Variants in PDZD2 observed in about 807,000 individuals in gnomAD.
PDZD2 encodes the protein PDZ domain-containing protein 2.
In PDZD2, 90 loss-of-function variants were observed where a neutral mutation model predicts 220.7. That is an observed-to-expected ratio of 0.41 (90% CI 0.34 to 0.49). PDZD2 has a LOEUF of 0.49. PDZD2 is among the 20% of genes least tolerant of loss of function. The pLI is 0.28. For missense variants in PDZD2, 3,174 were observed against 3,608.5 expected (o/e 0.88, Z 3.08); for synonymous variants, 1,375 against 1,450.5 (o/e 0.95, Z 1.18).
At chr5:31,983,887 CCA>C (rs779302498) in intron 3 of PDZD2, among the ~76,000 whole-genome samples, 72 of 152,104 alleles carry the variant, frequency 4.7e-4, no homozygotes, top group Non-Finnish European at 9.0e-4. Context: ...CAAAAAAGCT[CCA>C]GTCATTTTAT....
rs1407467199 is a variant in PDZD2 at position 32,088,753 on chromosome 5, G to C, written c.5305G>C (p.Glu1769Gln). ...CAGTGTGGATGTCCCTAAGAATGGA[G>C]AATCTGTTTTGGAAAACCTCCACAT... is the stretch of plus-strand genomic sequence containing the variant. ...SFSVDVPKNG[E>Q]SVLENLHISE... is the part of the protein sequence containing the mutation. The change falls in exon 20 of 25, where the codon GAA becomes CAA. Residue 1769 changes from glutamate to glutamine, a missense_variant. By Grantham distance (29) the Glu-to-Gln change is conservative. Around this residue, in one of 4 missense-constraint regions of PDZD2, gnomAD observed 1,861 missense variants for 2,001.0 expected, o/e 0.93. Coordinates refer to ENST00000438447, the MANE Select transcript of PDZD2 (RefSeq NM_178140.4). This position sits in a 1 kb window ranked among gnomAD's most constrained non-coding sequence, Gnocchi z 4.6. 1.2e-6 allele frequency: 2 copies of C among 1,614,108 alleles called. No individual in the cohort carries two copies. The highest frequency in any genetic ancestry group is 1.7e-6 in the Non-Finnish European group (2 of 1,179,984).
At chr5:31,947,662 C>G (rs1746763739) in intron 2 of PDZD2, among the ~76,000 whole-genome samples, 1 of 152,032 alleles carries the variant, frequency 6.6e-6, no homozygotes, top group Non-Finnish European at 1.5e-5. Flanking sequence ...TTTAAAAATG[C>G]AAAAATTAGC....
chr5:31,686,247 C>A (rs1746854316), intron 1 of PDZD2, among the ~76,000 whole-genome samples: 1 of 151,950 alleles, frequency 6.6e-6, no homozygotes, highest in African/African-American at 2.4e-5. Context: ...GCCATAATAC[C>A]ATTATAATAC....
chr5:31,782,079 G>T (rs1227464523), intron 1 of PDZD2, among the ~76,000 whole-genome samples: 2 of 152,194 alleles, frequency 1.3e-5, no homozygotes, highest in Non-Finnish European at 2.9e-5. Context: ...GAAGTGAAAG[G>T]CCTGTTGAGG....
Position 32,070,011 on chromosome 5 carries a change from G to A in PDZD2, c.2533+361G>A, listed in dbSNP as rs182340416. ...GATGCAGAGTATTATCTACCAAAAAGCCTGAGATTTCTTTACATGAATTAA... is the reference window on the plus strand; with the variant it reads ...GATGCAGAGTATTATCTACCAAAAAACCTGAGATTTCTTTACATGAATTAA... On this transcript the variant is annotated intron_variant, in intron 15 of 24. Transcript: ENST00000438447. Among the ~76,000 whole-genome samples, 61 of 152,246 alleles carry A rather than the reference G, an allele frequency of 4.0e-4. No homozygotes were observed. In the East Asian group the frequency reaches 0.011, roughly 28 times the overall value.
chr5:31,713,026 A>AG (rs1748218635), intron 1 of PDZD2, among the ~76,000 whole-genome samples: 1 of 152,196 alleles, frequency 6.6e-6, no homozygotes, highest in Admixed American at 6.5e-5. Context: ...CCTGGACCAC[A>AG]GTGTTGAGAA....
intron 3 of PDZD2, among the ~76,000 whole-genome samples, chr5:31,987,625 C>T (rs1750819141): frequency 6.6e-6 from 1 of 152,200 alleles, no homozygotes. Flanking sequence ...CAACTGCCTG[C>T]AGGATGTCTC....
intron 2 of PDZD2, among the ~76,000 whole-genome samples, chr5:31,976,138 G>C (rs939969139): frequency 6.6e-6 from 1 of 152,096 alleles, no homozygotes; most frequent in Non-Finnish European, 1.5e-5. Context: ...GTAGGGAGGC[G>C]ATACCTGAGA....
chr5:31,754,780 A>T, intron 1 of PDZD2: 1 of 152,222 alleles, frequency 6.6e-6, no homozygotes, highest in Non-Finnish European at 1.5e-5. Context: ...TCATTTCCAC[A>T]CTGGCTAGAT....
chr5:31,688,126 A>G (rs114743702), intron 1 of PDZD2, among the ~76,000 whole-genome samples: 5,591 of 152,316 alleles, frequency 0.037, 132 homozygotes, highest in Middle Eastern at 0.11. Context: ...TCGCAAATAA[A>G]TTAATATCTC....
chr5:31,955,137 A>T (rs577022579), intron 2 of PDZD2, among the ~76,000 whole-genome samples: 1 of 152,252 alleles, frequency 6.6e-6, no homozygotes, highest in Admixed American at 6.5e-5. Context: ...GTTTCTGAGA[A>T]CTTTCCCTGT....
chr5:32,020,617 G>A (rs1754121986), intron 6 of PDZD2, among the ~76,000 whole-genome samples: 1 of 151,138 alleles, frequency 6.6e-6, no homozygotes, highest in Admixed American at 6.6e-5. Context: ...TATTGTGCTG[G>A]ATTATAGGCA....
chr5:32,062,023 C>T (rs768989472), intron 14 of PDZD2, among the ~76,000 whole-genome samples: 11 of 152,076 alleles, frequency 7.2e-5, no homozygotes, highest in East Asian at 3.9e-4. Flanking sequence ...CAATCCACTT[C>T]GGGCTGGGAT....
chr5:31,986,157 T>C (rs1163864771), intron 3 of PDZD2, among the ~76,000 whole-genome samples: 2 of 152,270 alleles, frequency 1.3e-5, no homozygotes, highest in East Asian at 3.9e-4. Context: ...TTGCGTTGTT[T>C]TTATGCTCAA....
At chr5:31,951,818 T>C (rs1420184816) in intron 2 of PDZD2, among the ~76,000 whole-genome samples, 1 of 152,230 alleles carries the variant, frequency 6.6e-6, no homozygotes, top group African/African-American at 2.4e-5. Context: ...ATTCCAGTCA[T>C]GCTAGATTGT....
intron 2 of PDZD2, chr5:31,840,429 TA>T (rs1561499166): frequency 0.034 from 3,515 of 104,100 alleles, 191 homozygotes; most frequent in South Asian, 0.055. Context: ...TATATATATA[TA>T]TATATATATA....
chr5:31,752,839 C>T lies in PDZD2; in HGVS notation c.-360-46050C>T, dbSNP rs115599700. ...TGTCTCAGCCAGATGTGGTTGCTTC[C>T]TCCTCTGAACCCCATAGTGGTTGGT... On this transcript the variant is annotated intron_variant, in intron 1 of 24. Coordinates refer to ENST00000438447, the MANE Select transcript of PDZD2 (RefSeq NM_178140.4). Among the ~76,000 whole-genome samples the T allele has an allele frequency of 4.5e-3, 689 of 152,266 alleles. 7 individuals carry two copies. The highest frequency in any genetic ancestry group is 0.015 in the African/African-American group (628 of 41,548).
At chr5:31,950,103 T>C (rs1490926731) in intron 2 of PDZD2, among the ~76,000 whole-genome samples, 10 of 152,214 alleles carry the variant, frequency 6.6e-5, no homozygotes, top group Non-Finnish European at 8.8e-5. Flanking sequence ...CAGTCAAAGA[T>C]TGCAGTGCCT....
intron 2 of PDZD2, among the ~76,000 whole-genome samples, chr5:31,897,044 G>A (rs1221411854): frequency 4.0e-5 from 6 of 150,846 alleles, no homozygotes; most frequent in African/African-American, 1.5e-4. Flanking sequence ...TTACTCAAAT[G>A]AGATCTCTGG....
Sources: gnomAD v4.1 joint callset for allele counts (sites outside exome capture counted in the v4.1 genomes callset) on GRCh38, gnomAD v4.1.1 for gene constraint, gnomAD v4.1.1 regional missense constraint, Gnocchi (gnomAD v3.1) non-coding constraint, MANE v1.5 for transcripts, NCBI Gene and HGNC (gene_info 2026-07-23, HGNC 2026-07-21) for gene names.